Variants in SGCD observed in about 807,000 individuals in gnomAD.
SGCD encodes the protein sarcoglycan delta.
A neutral mutation model predicts 36.6 loss-of-function variants in SGCD; 18 were observed. That is an observed-to-expected ratio of 0.49 (90% CI 0.34 to 0.73). The LOEUF (loss-of-function observed/expected upper bound fraction) is 0.73. Ranked by LOEUF, SGCD falls within the 30% of genes least tolerant of loss-of-function variation. The pLI, the probability that SGCD is intolerant of heterozygous loss-of-function variation, is 0.01. For missense variants in SGCD, 387 were observed against 346.7 expected (o/e 1.12, Z -0.92); for synonymous variants, 133 against 130.6 (o/e 1.02, Z -0.12).
At chr5:156,145,358 T>C (rs1261750857) in intron 3 of SGCD, among the ~76,000 whole-genome samples, 1 of 152,194 alleles carries the variant, frequency 6.6e-6, no homozygotes, top group Non-Finnish European at 1.5e-5. Context: ...ATGCTTTCTG[T>C]ACAGCCTACA....
At chr5:155,732,741 T>G in the SGCD span, among the ~76,000 whole-genome samples, 2 of 152,194 alleles carry the variant, frequency 1.3e-5, no homozygotes, top group Non-Finnish European at 2.9e-5. Flanking sequence ...ATCTATATTT[T>G]TAGCCCATGC....
rs142317060 is a variant in SGCD, at chr5:155,952,142, G to C, written c.-282+81718G>C. The stretch of plus-strand genomic sequence containing the variant: ...TGGGCTAATTGCCTCTGATCTTGGG[G>C]TGTATAGATTCATAAAATTTGTGCT... On this transcript the variant is annotated intron_variant, in intron 1 of 9. Transcript: ENST00000517913. Among the ~76,000 whole-genome samples the C allele has an allele frequency of 8.6e-4, 131 of 152,240 alleles. 3 individuals are homozygous for C. The East Asian group carries it at 0.019, about 22-fold the overall frequency.
At chr5:155,878,003 C>T (rs1755800588) in intron 1 of SGCD, among the ~76,000 whole-genome samples, 1 of 151,994 alleles carries the variant, frequency 6.6e-6, no homozygotes, top group South Asian at 2.1e-4. Flanking sequence ...AACTGTATCT[C>T]CTATGACCCA....
intron 1 of SGCD, among the ~76,000 whole-genome samples, chr5:155,956,793 CA>C (rs1757661802): frequency 7.5e-6 from 1 of 133,262 alleles, no homozygotes; most frequent in Non-Finnish European, 1.7e-5. Context: ...TTGTTGGACT[CA>C]GGGCCCCCCC....
At chr5:156,594,579 T>C (rs779954303) in intron 5 of SGCD, among the ~76,000 whole-genome samples, 2 of 152,304 alleles carry the variant, frequency 1.3e-5, no homozygotes, top group Middle Eastern at 3.4e-3. Context: ...GAGCCTCTGG[T>C]GCCTTGAGAA....
intron 1 of SGCD, among the ~76,000 whole-genome samples, chr5:156,105,621 AG>A (rs1184586609): frequency 6.6e-6 from 1 of 152,210 alleles, no homozygotes; most frequent in Non-Finnish European, 1.5e-5. Context: ...TTTCATGGTC[AG>A]CTTCATTACA....
intron 1 of SGCD, among the ~76,000 whole-genome samples, chr5:156,072,890 A>G (rs1365004762): frequency 6.6e-6 from 1 of 151,974 alleles, no homozygotes; most frequent in Admixed American, 6.6e-5. Context: ...TTCATCTTCC[A>G]TCACTGACAC....
chr5:156,655,569 AAAT>A (rs1763639789), intron 7 of SGCD, among the ~76,000 whole-genome samples: 1 of 152,170 alleles, frequency 6.6e-6, no homozygotes, highest in African/African-American at 2.4e-5. Context: ...TTCTCCAGAC[AAAT>A]AATGAGTGTT....
At chr5:156,387,096 T>A (rs2127752129) in intron 3 of SGCD, among the ~76,000 whole-genome samples, 1 of 152,316 alleles carries the variant, frequency 6.6e-6, no homozygotes, top group Non-Finnish European at 1.5e-5. Context: ...CCTTGGGGAA[T>A]GAGTTTGCCT....
At chr5:156,536,067 T>C (rs935041552) in intron 4 of SGCD, among the ~76,000 whole-genome samples, 1 of 152,160 alleles carries the variant, frequency 6.6e-6, no homozygotes, top group Non-Finnish European at 1.5e-5. Flanking sequence ...ACTTTGATAA[T>C]GGGGATATTT....
intron 3 of SGCD, among the ~76,000 whole-genome samples, chr5:156,220,258 C>T (rs1484476505): frequency 6.6e-6 from 1 of 152,130 alleles, no homozygotes; most frequent in East Asian, 1.9e-4. Flanking sequence ...TCCTGCTCCT[C>T]AGATTTTCAA....
At chr5:156,755,735 G>C (rs1009561549) in intron 7 of SGCD, among the ~76,000 whole-genome samples, 12 of 152,188 alleles carry the variant, frequency 7.9e-5, no homozygotes, top group African/African-American at 2.9e-4. Flanking sequence ...ACCCAAAGGG[G>C]TGAGACCACA....
rs557885721 is a variant in SGCD at position 156,689,156 on chromosome 5, C to T, written c.575+41620C>T. On this transcript the variant is annotated intron_variant, in intron 7 of 8. Transcript: ENST00000337851. The stretch of plus-strand genomic sequence containing the variant: ...GTGTTAATTTCTTAGTTTTGACAAA[C>T]GTACCTTGGTTATATAAGATGGTGA... Among the ~76,000 whole-genome samples, 40 of 152,272 alleles carry T rather than the reference C, an allele frequency of 2.6e-4. No individual in the cohort carries two copies. In the South Asian group the frequency reaches 4.1e-3, roughly 16 times the overall value.
intron 6 of SGCD, among the ~76,000 whole-genome samples, chr5:156,644,929 T>TAC: frequency 6.8e-6 from 1 of 147,496 alleles, no homozygotes; most frequent in Admixed American, 6.8e-5. Context: ...ATTTGAGATT[T>TAC]TTTTTTTTTT....
chr5:155,931,752 C>T (rs550868430), intron 1 of SGCD, among the ~76,000 whole-genome samples: 10 of 152,198 alleles, frequency 6.6e-5, no homozygotes, highest in Non-Finnish European at 1.5e-4. Flanking sequence ...TTCGGATTTG[C>T]TTTCAGCCAC....
At chr5:155,987,880 T>G (rs1233543497) in intron 1 of SGCD, among the ~76,000 whole-genome samples, 1 of 152,172 alleles carries the variant, frequency 6.6e-6, no homozygotes, top group Non-Finnish European at 1.5e-5. Flanking sequence ...AAATATGTAT[T>G]ATTCATATCC....
At chr5:156,527,366 G>A (rs1010148256) in intron 4 of SGCD, among the ~76,000 whole-genome samples, 1 of 152,178 alleles carries the variant, frequency 6.6e-6, no homozygotes, top group Non-Finnish European at 1.5e-5. Flanking sequence ...CCAGGAGTTT[G>A]CTCTTACTAA....
chr5:156,095,098 G>A (rs1761343409), intron 1 of SGCD, among the ~76,000 whole-genome samples: 1 of 152,130 alleles, frequency 6.6e-6, no homozygotes, highest in Non-Finnish European at 1.5e-5. Context: ...CTTATTGCTT[G>A]GTGCTCTGCC....
the SGCD span, among the ~76,000 whole-genome samples, chr5:155,830,826 A>G: frequency 6.6e-6 from 1 of 152,070 alleles, no homozygotes; most frequent in African/African-American, 2.4e-5. Context: ...TGATATTACC[A>G]TTTTCCACTG....
Sources: allele counts gnomAD v4.1 joint callset (sites outside exome capture counted in the v4.1 genomes callset), GRCh38; gene constraint gnomAD v4.1.1; transcripts MANE v1.5; gene names NCBI Gene and HGNC (gene_info 2026-07-23, HGNC 2026-07-21).